The following ECE1 variants were observed in gnomAD, a reference collection of about 807,000 sequenced individuals.
The protein encoded by ECE1 is endothelin converting enzyme 1.
A neutral mutation model predicts 98.6 loss-of-function variants in ECE1; 35 were observed. The observed-to-expected ratio is 0.35, with a 90% confidence interval of 0.27 to 0.47. The LOEUF is 0.47. ECE1 is among the 20% of genes least tolerant of loss of function. The pLI, the probability that ECE1 is intolerant of heterozygous loss-of-function variation, is 1.00. For synonymous variants in ECE1, 394 were observed against 407.1 expected (o/e 0.97, Z 0.39); for missense variants, 814 against 1,025.3 (o/e 0.79, Z 2.81).
At chr1:21,224,268 T>C (rs1160566149) in intron 17 of ECE1, among the ~76,000 whole-genome samples, 2 of 152,198 alleles carry the variant, frequency 1.3e-5, no homozygotes, top group Non-Finnish European at 2.9e-5. Context: ...TTATTCCTCA[T>C]TACTTCGCCC....
chr1:21,236,717 A>G (rs1289802185), intron 12 of ECE1, 29 bp downstream of exon 12: 2 of 1,605,050 alleles, frequency 1.2e-6, no homozygotes, highest in Admixed American at 3.3e-5. Flanking sequence ...ACGCCGCAGC[A>G]CCCCCTCCAA....
chr1:21,248,686 G>A (rs1476801006), intron 8 of ECE1, among the ~76,000 whole-genome samples: 3 of 151,176 alleles, frequency 2.0e-5, no homozygotes, highest in South Asian at 2.1e-4. Context: ...GTGCAGTGGC[G>A]TGATCTCAGC....
At chr1:21,228,798 A>G (rs12760856) in intron 14 of ECE1, among the ~76,000 whole-genome samples, 1 of 151,440 alleles carries the variant, frequency 6.6e-6, no homozygotes, top group Admixed American at 6.6e-5. Context: ...AAAAAAAAAG[A>G]AAAAAGAAAA....
At position 21,275,162 on chromosome 1, in the gene ECE1, G is replaced by A. The variant is rs556285988; in HGVS notation, c.281-2251C>T. Among the ~76,000 whole-genome samples, 6 of 152,328 alleles carry A rather than the reference G, an allele frequency of 3.9e-5. 1 individual carries two copies. Among genetic ancestry groups the A allele is most frequent in the African/African-American group, 1.4e-4 (6 of 41,572 alleles). ...GAGACAGGCTGAGAGTGAGCCTAAC[G>A]CGGGAAGACGCATCAGAATCTGTGT... On this transcript the variant is annotated intron_variant, in intron 3 of 18. Coordinates refer to ENST00000374893, the MANE Select transcript of ECE1 (RefSeq NM_001397.3).
chr1:21,231,117 C>T (rs1391584614), intron 14 of ECE1, among the ~76,000 whole-genome samples: 9 of 152,034 alleles, frequency 5.9e-5, no homozygotes, highest in Non-Finnish European at 1.2e-4. Flanking sequence ...CGTGAGCCAC[C>T]GCGCCCAGCA....
At chr1:21,240,816 G>C (rs942722503) in intron 10 of ECE1, among the ~76,000 whole-genome samples, 5 of 152,228 alleles carry the variant, frequency 3.3e-5, no homozygotes, top group Non-Finnish European at 7.3e-5. Context: ...GAGGCTCCAG[G>C]CTGTGAGGGC....
rs1218504749 is a variant in ECE1, at chr1:21,225,802, G to A, written c.1850-362C>T. Among the ~76,000 whole-genome samples, 4 of 149,506 alleles carry A rather than the reference G, an allele frequency of 2.7e-5. No homozygotes were observed. The East Asian group carries it at 7.8e-4, about 29-fold the overall frequency. ...TGCCTCCTGGGTTCAAGGAATTCTT[G>A]TGCTCAGCCTCTGGAGTAGCTGGGA... On this transcript the variant is annotated intron_variant, in intron 16 of 18. Coordinates refer to ENST00000374893, the MANE Select transcript of ECE1 (RefSeq NM_001397.3). The surrounding 1 kb of genome is among the most constrained non-coding windows in gnomAD (Gnocchi z 5.3).
In ECE1 at chr1:21,340,817, G is replaced by A. The variant is rs1639384208; in HGVS notation, c.3+4559C>T. On this transcript the variant is annotated intron_variant, in intron 1 of 18. Coordinates refer to the ECE1 transcript ENST00000415912. This position sits in a 1 kb window ranked among gnomAD's most constrained non-coding sequence, Gnocchi z 4.6. ...CACTGCACTCAGCCTGGGTGACAGA[G>A]CAAGACTATGTCTCAATAAATAAGT... 6.6e-6 allele frequency among the ~76,000 whole-genome samples: 1 copy of A among 152,158 alleles called. No individual in the cohort carries two copies. Among genetic ancestry groups the A allele is most frequent in the Admixed American group, 6.5e-5 (1 of 15,280 alleles).
intron 7 of ECE1, among the ~76,000 whole-genome samples, chr1:21,257,293 T>C (rs2098221075): frequency 6.6e-6 from 1 of 152,210 alleles, no homozygotes; most frequent in African/African-American, 2.4e-5. Context: ...TCTGCCTCTC[T>C]CTAGAACCAG....
In ECE1 at chr1:21,238,998, A is replaced by T. The variant is rs553873516; in HGVS notation, c.1279-754T>A. 1.2e-3 allele frequency among the ~76,000 whole-genome samples: 178 copies of T among 143,206 alleles called. 1 individual carries two copies. Among genetic ancestry groups the T allele is most frequent in the East Asian group, 0.01 (50 of 4,956 alleles). The allele number at this position is 143,206 out of a possible 152,430, so 93.9% of individuals were successfully genotyped here. A position where few individuals can be genotyped will look rare whatever the true frequency, so the allele number is the denominator to read the frequency against. ...CCTGGCTAATTTTTTCTATTTAAAA[A>T]TTTTTTTTTTTTTTTGTGGAGACAT... is the stretch of plus-strand genomic sequence containing the variant. On this transcript the variant is annotated intron_variant, in intron 10 of 18. Transcript: ENST00000374893.
chr1:21,279,006 A>G (rs925604131), intron 3 of ECE1, among the ~76,000 whole-genome samples, 185 bp downstream of exon 3: 15 of 152,102 alleles, frequency 9.9e-5, no homozygotes, highest in Non-Finnish European at 1.9e-4. Flanking sequence ...CGAGACCTTT[A>G]TATCACCCAC....
intron 4 of ECE1, among the ~76,000 whole-genome samples, chr1:21,261,564 C>T (rs2098226880): frequency 1.3e-5 from 2 of 152,176 alleles, no homozygotes; most frequent in African/African-American, 2.4e-5. Context: ...CCCAAAGGCC[C>T]TCACCGCTCT....
At chr1:21,253,788 A>G (rs2098216079) in intron 8 of ECE1, among the ~76,000 whole-genome samples, 1 of 149,516 alleles carries the variant, frequency 6.7e-6, no homozygotes, top group African/African-American at 2.5e-5. Flanking sequence ...AAAGAACCAC[A>G]GGCCAGGTGC....
intron 1 of ECE1, among the ~76,000 whole-genome samples, chr1:21,300,833 G>C (rs1638467740): frequency 6.6e-6 from 1 of 152,132 alleles, no homozygotes; most frequent in African/African-American, 2.4e-5. Flanking sequence ...CTCCACTCCA[G>C]CATCACTAGC....
chr1:21,303,548 G>A (rs75814621), intron 1 of ECE1, among the ~76,000 whole-genome samples: 1 of 152,374 alleles, frequency 6.6e-6, no homozygotes, highest in East Asian at 1.9e-4. Context: ...AATACCAGCT[G>A]TGATTATTAC....
rs1488540030 is a variant in ECE1 at position 21,226,574 on chromosome 1, C to T, written c.1849+585G>A. Among the ~76,000 whole-genome samples, 6 of 152,246 alleles carry T rather than the reference C, an allele frequency of 3.9e-5. No individual in the cohort carries two copies. The East Asian group carries it at 9.7e-4, about 25-fold the overall frequency. On this transcript the variant is annotated intron_variant, in intron 16 of 18. Coordinates refer to ENST00000374893, the MANE Select transcript of ECE1 (RefSeq NM_001397.3). Reference sequence around the variant, plus strand: ...CTAAAGGGGACCAAGGAACCTGTACCAGGCAGTGGTGCAATCATAATCATA... The same window carrying T: ...CTAAAGGGGACCAAGGAACCTGTACTAGGCAGTGGTGCAATCATAATCATA...
intron 3 of ECE1, among the ~76,000 whole-genome samples, chr1:21,278,631 C>T (rs1468304537): frequency 6.6e-6 from 1 of 152,160 alleles, no homozygotes; most frequent in East Asian, 1.9e-4. Flanking sequence ...CACAGGGCTG[C>T]CTCCAGGAGG....
upstream of ECE1, among the ~76,000 whole-genome samples, chr1:21,292,954 A>G (rs1638247657): frequency 6.6e-6 from 1 of 152,144 alleles, no homozygotes; most frequent in African/African-American, 2.4e-5. Flanking sequence ...GGCTTTTTCT[A>G]GAACAGGACA....
chr1:21,309,601 T>C (rs998757633), intron 1 of ECE1, among the ~76,000 whole-genome samples: 2 of 152,168 alleles, frequency 1.3e-5, no homozygotes, highest in African/African-American at 4.8e-5. Context: ...AAGCAGGTCA[T>C]GATCACATCC....
Sources: allele counts gnomAD v4.1 joint callset (sites outside exome capture counted in the v4.1 genomes callset), GRCh38; gene constraint gnomAD v4.1.1; non-coding constraint Gnocchi (gnomAD v3.1); transcripts MANE v1.5; gene names NCBI Gene and HGNC (gene_info 2026-07-23, HGNC 2026-07-21).